GRIK5: variants seen among roughly 807,000 people sequenced by gnomAD.
The protein encoded by GRIK5 is glutamate receptor ionotropic, kainate 5.
Under a neutral mutation model 97.4 loss-of-function variants are expected in GRIK5, and 43 were observed. That is an observed-to-expected ratio of 0.44 (90% CI 0.35 to 0.57). The LOEUF is 0.57. Among genes scored for constraint, GRIK5 ranks in the 20% least tolerant of loss-of-function variants. GRIK5 has a pLI of 0.01. For synonymous variants in GRIK5, 580 were observed against 583.5 expected (o/e 0.99, Z 0.09); for missense variants, 1,015 against 1,382.0 (o/e 0.73, Z 4.21).
In GRIK5 at chr19:42,013,408, CTTTTTTTTTT is replaced by C. The variant is rs961451223; in HGVS notation, c.1872-6608_1872-6599del. On this transcript the variant is annotated intron_variant, in intron 15 of 19. Coordinates refer to ENST00000593562, the MANE Select transcript of GRIK5 (RefSeq NM_002088.5). ...ATCTTTTTTTTTCTTTTTTTCTTTT[CTTTTTTTTTT>C]TTTTTTTTTGAGATGGAGTCTTGCT... Among the ~76,000 whole-genome samples, 5 of 123,256 alleles carry C rather than the reference CTTTTTTTTTT, an allele frequency of 4.1e-5. No homozygotes were observed. The East Asian group carries it at 1.1e-3, about 28-fold the overall frequency. The allele number at this position is 123,256 out of a possible 152,430, so 80.9% of individuals were successfully genotyped here. A position where few individuals can be genotyped will look rare whatever the true frequency, so the allele number is the denominator to read the frequency against.
intron 17 of GRIK5, 88 bp downstream of exon 17, chr19:42,005,635 G>A (rs975766424): frequency 1.7e-5 from 15 of 868,608 alleles, no homozygotes; most frequent in Non-Finnish European, 2.8e-5. Context: ...AGCCTGCCTC[G>A]GGGGTGCCTG....
At chr19:42,012,462 GTAGGTCTAGAAC>G (rs747107933) in intron 15 of GRIK5, among the ~76,000 whole-genome samples, 9 of 152,186 alleles carry the variant, frequency 5.9e-5, no homozygotes, top group Non-Finnish European at 8.8e-5. Context: ...TGTTGCCCAG[GTAGGTCTAGAAC>G]CCCTGAGCTC....
At chr19:42,054,588 A>G in intron 8 of GRIK5, 116 bp from the exon 9 acceptor site, 2 of 1,183,766 alleles carry the variant, frequency 1.7e-6, no homozygotes, top group Non-Finnish European at 2.4e-6. Context: ...CTCCCCAGGA[A>G]TGGGAAACTG....
rs1310109088 is a variant in GRIK5 at position 42,062,567 on chromosome 19, C to T, written c.429G>A (p.Glu143=). The change falls in exon 5 of 20, where the codon GAG becomes GAA. Residue 143 remains glutamate, a synonymous_variant. Coordinates refer to ENST00000593562, the MANE Select transcript of GRIK5 (RefSeq NM_002088.5). This position sits in a 1 kb window ranked among gnomAD's most constrained non-coding sequence, Gnocchi z 5.3. ...TTCGGGAGACCGCCAAGCTGACGTC[C>T]TCGTTACTGGGGTACAGGCTGACAG... is the stretch of plus-strand genomic sequence containing the variant. The part of the protein sequence containing the change: ...FASVSLYPSN[E]DVSLAVSRIL... 6.2e-6 allele frequency: 10 copies of T among 1,614,068 alleles called. No homozygotes were observed. Among genetic ancestry groups the T allele is most frequent in the East Asian group, 2.2e-5 (1 of 44,898 alleles).
chr19:42,006,740 T>G lies in GRIK5; in HGVS notation c.1942A>C (p.Met648Leu). Reference protein sequence around the residue: ...NLAAFLTVQRMEVPVESADDL... With the variant: ...NLAAFLTVQRLEVPVESADDL... ...TCGGCCGACTCCACAGGCACCTCCA[T>G]GCGCTGCACGGTGAGGAAGGCGGCC... The change falls in exon 16 of 20, where the codon ATG (methionine) becomes CTG (leucine). Residue 648 changes from methionine to leucine, a missense_variant. Physicochemically the swap from Met to Leu is conservative, Grantham distance 15. Coordinates refer to ENST00000593562, the MANE Select transcript of GRIK5 (RefSeq NM_002088.5). The surrounding 1 kb of genome is among the most constrained non-coding windows in gnomAD (Gnocchi z 5.3). The G allele has an allele frequency of 6.2e-7, 1 of 1,613,964 alleles. No individual in the cohort carries two copies. Among genetic ancestry groups the G allele is most frequent in the Non-Finnish European group, 8.5e-7 (1 of 1,179,892 alleles).
Position 42,053,805 on chromosome 19 carries a change from G to T in GRIK5, c.1161+20C>A. On this transcript the variant is annotated intron_variant, in intron 10 of 19. Transcript: ENST00000593562. ...ACCCTCACCCCAGCAGGGCTCTGGCGTCACCCTGGGTCTGCTCACCTCACG... is the reference window on the plus strand; with the variant it reads ...ACCCTCACCCCAGCAGGGCTCTGGCTTCACCCTGGGTCTGCTCACCTCACG... 1 of 1,584,392 alleles carries T rather than the reference G, an allele frequency of 6.3e-7. No homozygotes were observed. The highest frequency in any genetic ancestry group is 1.1e-5 in the South Asian group (1 of 90,550).
chr19:42,025,727 C>T (rs570028434), intron 12 of GRIK5, among the ~76,000 whole-genome samples: 1 of 152,310 alleles, frequency 6.6e-6, no homozygotes, highest in Admixed American at 6.5e-5. Flanking sequence ...CCATCTCTGA[C>T]TGAATAGCTG....
Position 42,002,522 on chromosome 19 carries a change from A to G in GRIK5, c.2514+810T>C. 1 of 705,938 alleles carries G rather than the reference A, an allele frequency of 1.4e-6. No individual in the cohort carries two copies. Among genetic ancestry groups the G allele is most frequent in the South Asian group, 1.5e-5 (1 of 65,844 alleles). The allele number at this position is 705,938 out of a possible 1,614,324, so 43.7% of individuals were successfully genotyped here. On this transcript the variant is annotated intron_variant, in intron 19 of 19. Transcript: ENST00000593562. The surrounding 1 kb of genome is among the most constrained non-coding windows in gnomAD (Gnocchi z 5.2). ...CTTGGGCCAAGTGCAGAACACTGGCAGGCAGCTGGATGCAGAGCTGGGGTC... is the reference window on the plus strand; with the variant it reads ...CTTGGGCCAAGTGCAGAACACTGGCGGGCAGCTGGATGCAGAGCTGGGGTC...
intron 12 of GRIK5, among the ~76,000 whole-genome samples, chr19:42,026,404 G>T (rs760453591): frequency 2.5e-4 from 37 of 145,712 alleles, no homozygotes; most frequent in Admixed American, 6.8e-5. Context: ...ACTACAGGCA[G>T]ATGCCACCAC....
In GRIK5 at chr19:42,065,878, T is replaced by G. The variant is rs2076324954; in HGVS notation, c.-50-58A>C. The stretch of plus-strand genomic sequence containing the variant: ...TACTATGTGGTGGGATGGAACCCCT[T>G]GGAGGCCTGCTGGATGGGGTGGTCA... On this transcript the variant is annotated intron_variant, in intron 1 of 19. Transcript: ENST00000593562. The surrounding 1 kb of genome is among the most constrained non-coding windows in gnomAD (Gnocchi z 5.8). 5.3e-5 allele frequency: 46 copies of G among 871,862 alleles called. No individual in the cohort carries two copies. In the South Asian group the frequency reaches 6.5e-4, roughly 12 times the overall value. 54.0% of individuals were successfully genotyped at this position (871,862 alleles called of 1,614,324 possible).
chr19:42,035,688 G>C (rs368907807), intron 12 of GRIK5, among the ~76,000 whole-genome samples: 126 of 152,214 alleles, frequency 8.3e-4, no homozygotes, highest in African/African-American at 2.9e-3. Flanking sequence ...CCAGCCTGGG[G>C]AACAGAGCCA....
intron 12 of GRIK5, among the ~76,000 whole-genome samples, chr19:42,031,897 C>T (rs1234802671): frequency 6.6e-6 from 1 of 152,132 alleles, no homozygotes; most frequent in African/African-American, 2.4e-5. Flanking sequence ...CTTTGGGAGG[C>T]CAAAATGGGT....
At chr19:42,043,820 G>C (rs1442993987) in intron 11 of GRIK5, among the ~76,000 whole-genome samples, 1 of 152,156 alleles carries the variant, frequency 6.6e-6, no homozygotes, top group Non-Finnish European at 1.5e-5. Flanking sequence ...GCTGAGGTGG[G>C]AGGATTGCTT....
intron 15 of GRIK5, among the ~76,000 whole-genome samples, chr19:42,018,292 C>A (rs2075652181): frequency 1.4e-5 from 2 of 147,506 alleles, no homozygotes; most frequent in Non-Finnish European, 3.0e-5. Context: ...CCACCACACT[C>A]CACGCTGGGC....
chr19:42,021,339 C>A lies in GRIK5; in HGVS notation c.1833G>T (p.Met611Ile), dbSNP rs544965919. ...CACAGCGCGTGGACAGCGCCCGGGG[C>A]ATGATCTCCGAGCCCTGCTGCATGA... ...GGFMQQGSEI[M>I]PRALSTRCVS... is the part of the protein sequence containing the mutation. The change falls in exon 15 of 20, where the codon ATG becomes ATT. Residue 611 changes from methionine (M) to isoleucine (I), a missense_variant. By Grantham distance (10) the Met-to-Ile change is conservative (BLOSUM62 1). Transcript: ENST00000593562. The surrounding 1 kb of genome is among the most constrained non-coding windows in gnomAD (Gnocchi z 4.2). 1 of 1,613,516 alleles carries A rather than the reference C, an allele frequency of 6.2e-7. No individual in the cohort carries two copies. Among genetic ancestry groups the A allele is most frequent in the South Asian group, 1.1e-5 (1 of 91,024 alleles).
chr19:42,068,916 C>A (rs1012859362), intron 1 of GRIK5: 4 of 674,954 alleles, frequency 5.9e-6, no homozygotes, highest in Non-Finnish European at 1.1e-5. Flanking sequence ...GGGACCAGGA[C>A]GGAGGCTTGG....
intron 6 of GRIK5, among the ~76,000 whole-genome samples, chr19:42,058,041 G>A (rs2076210579): frequency 6.6e-6 from 1 of 152,178 alleles, no homozygotes; most frequent in South Asian, 2.1e-4. Context: ...GCTGGCACGG[G>A]AGGGGCCGGG....
Position 42,042,813 on chromosome 19 carries a change from G to A in GRIK5, c.1270-58C>T. On this transcript the variant is annotated intron_variant, in intron 11 of 19. Transcript: ENST00000593562. This position sits in a 1 kb window ranked among gnomAD's most constrained non-coding sequence, Gnocchi z 6.9. The stretch of plus-strand genomic sequence containing the variant: ...CTGGGTGTCTAGTGGCTGGGTTGCG[G>A]ATCCTGGAGCCCGGACCAGGCAGGT... 2 of 1,390,054 alleles carry A rather than the reference G, an allele frequency of 1.4e-6. No homozygotes were observed. The highest frequency in any genetic ancestry group is 2.0e-6 in the Non-Finnish European group (2 of 995,438). 86.1% of individuals were successfully genotyped at this position (1,390,054 alleles called of 1,614,324 possible). A position where few individuals can be genotyped will look rare whatever the true frequency, so the allele number is the denominator to read the frequency against.
At position 42,006,766 on chromosome 19, in the gene GRIK5, A is replaced by T. The variant is rs1240082994; in HGVS notation, c.1916T>A (p.Leu639Gln). 1 of 1,613,364 alleles carries T rather than the reference A, an allele frequency of 6.2e-7. No individual in the cohort carries two copies. The highest frequency in any genetic ancestry group is 8.5e-7 in the Non-Finnish European group (1 of 1,179,718). ...GCGCTGCACGGTGAGGAAGGCGGCCAGGTTGGCCGTGTAGGAGGAGATGAT... is the reference window on the plus strand; with the variant it reads ...GCGCTGCACGGTGAGGAAGGCGGCCTGGTTGGCCGTGTAGGAGGAGATGAT... ...LIIISSYTAN[L>Q]AAFLTVQRME... Residue 639 changes from leucine to glutamine, a missense_variant, in exon 16 of 20, where the codon CTG (leucine) becomes CAG (glutamine). Physicochemically the swap from Leu to Gln is moderately radical, Grantham distance 113. This residue lies in a region of GRIK5 where 477 missense variants were observed against 701.1 expected (regional missense o/e 0.68). Coordinates refer to ENST00000593562, the MANE Select transcript of GRIK5 (RefSeq NM_002088.5). This position sits in a 1 kb window ranked among gnomAD's most constrained non-coding sequence, Gnocchi z 5.3.
Sources: allele counts gnomAD v4.1 joint callset (sites outside exome capture counted in the v4.1 genomes callset), GRCh38; gene constraint gnomAD v4.1.1; regional missense constraint gnomAD v4.1.1; non-coding constraint Gnocchi (gnomAD v3.1); transcripts MANE v1.5; gene names NCBI Gene and HGNC (gene_info 2026-07-23, HGNC 2026-07-21).